The following CACNA2D1 variants were observed in gnomAD, a reference collection of about 807,000 sequenced individuals.
CACNA2D1 encodes voltage-dependent calcium channel subunit alpha-2/delta-1.
A neutral mutation model predicts 171.5 loss-of-function variants in CACNA2D1; 53 were observed. That is an observed-to-expected ratio of 0.31 (90% CI 0.25 to 0.39). CACNA2D1 has a LOEUF of 0.39. CACNA2D1 is among the 10% of genes least tolerant of loss of function. The pLI, the probability that CACNA2D1 is intolerant of heterozygous loss-of-function variation, is 1.00. For synonymous variants in CACNA2D1, 442 were observed against 443.1 expected (o/e 1.00, Z 0.03); for missense variants, 903 against 1,299.8 (o/e 0.69, Z 4.69).
At chr7:82,411,895 T>TCACACACACACACACA (rs5885295) in intron 1 of CACNA2D1, among the ~76,000 whole-genome samples, 3 of 144,886 alleles carry the variant, frequency 2.1e-5, no homozygotes, top group East Asian at 2.1e-4. Flanking sequence ...AAACTAAATC[T>TCACACACACACACACA]CACACACACA....
At chr7:82,102,380 C>G (rs962655989) in intron 6 of CACNA2D1, among the ~76,000 whole-genome samples, 1 of 151,334 alleles carries the variant, frequency 6.6e-6, no homozygotes, top group African/African-American at 2.4e-5. Context: ...AAGGATGACA[C>G]AAAGATAAGT....
At chr7:81,968,512 T>C (rs1311234038) in intron 29 of CACNA2D1, among the ~76,000 whole-genome samples, 1 of 151,422 alleles carries the variant, frequency 6.6e-6, no homozygotes, top group Non-Finnish European at 1.5e-5. Context: ...CTTAACTTTT[T>C]TGTACAAATA....
chr7:82,101,936 T>C (rs1377105334), intron 6 of CACNA2D1, among the ~76,000 whole-genome samples: 1 of 152,192 alleles, frequency 6.6e-6, no homozygotes, highest in Non-Finnish European at 1.5e-5. Flanking sequence ...GAATTTTATA[T>C]AATAAATTGG....
Position 82,066,969 on chromosome 7 carries a change from A to G in CACNA2D1, c.659-445T>C, listed in dbSNP as rs370436083. Among the ~76,000 whole-genome samples, 22 of 152,238 alleles carry G rather than the reference A, an allele frequency of 1.4e-4. No individual in the cohort carries two copies. The East Asian group carries it at 1.9e-3, about 13-fold the overall frequency. On this transcript the variant is annotated intron_variant, in intron 7 of 38. Transcript: ENST00000356860. ...TTCTTGGGTTTTTATGTAATAGCAT[A>G]ATTTTACTCAGTCCATGGTAAAATA...
At chr7:82,304,635 A>T (rs1300846647) in intron 3 of CACNA2D1, among the ~76,000 whole-genome samples, 6 of 152,190 alleles carry the variant, frequency 3.9e-5, no homozygotes, top group African/African-American at 1.4e-4. Flanking sequence ...TCTCATTCAC[A>T]TGTGGATGCT....
chr7:82,320,919 A>G (rs1391073927), intron 3 of CACNA2D1, among the ~76,000 whole-genome samples: 2 of 63,896 alleles, frequency 3.1e-5, no homozygotes, highest in African/African-American at 1.9e-4. Flanking sequence ...ATTTTATATA[A>G]GTTAATGGCT....
intron 1 of CACNA2D1, among the ~76,000 whole-genome samples, chr7:82,371,063 GGTA>G (rs1455133646): frequency 6.6e-6 from 1 of 152,100 alleles, no homozygotes. Flanking sequence ...TAATAAAACG[GGTA>G]GTGTAAGCAG....
chr7:81,974,603 G>T, intron 24 of CACNA2D1, 51 bp from the exon 25 acceptor site: 2 of 970,102 alleles, frequency 2.1e-6, no homozygotes, highest in South Asian at 1.4e-5. Context: ...AAACTTTACA[G>T]GGTAATTAAA....
rs572035974 is a variant in CACNA2D1 at position 82,435,601 on chromosome 7, T to C, written c.95+7764A>G. ...CTTCATACCTGCTTCACCTTCTCAC[T>C]GCCACTAATCTTTTTGAAACCTCGG... On this transcript the variant is annotated intron_variant, in intron 1 of 38. Coordinates refer to ENST00000356860, the MANE Select transcript of CACNA2D1 (RefSeq NM_000722.4). Among the ~76,000 whole-genome samples, 3 of 152,192 alleles carry C rather than the reference T, an allele frequency of 2.0e-5. No individual in the cohort carries two copies. In the South Asian group the frequency reaches 6.2e-4, roughly 31 times the overall value.
intron 10 of CACNA2D1, among the ~76,000 whole-genome samples, chr7:82,058,894 G>C (rs935718485): frequency 2.5e-4 from 38 of 152,050 alleles, no homozygotes; most frequent in African/African-American, 8.5e-4. Context: ...GTTTTGCCAG[G>C]AACCTTGCCT....
In CACNA2D1 at chr7:81,948,384, T is replaced by C. The variant is rs1455659601; in HGVS notation, c.*2008A>G. ...GAATGACACTACAAAATCACAACAA[T>C]GCATTAGAAATGGTAACTGATGTCA... On this transcript the variant is annotated 3_prime_UTR_variant, in exon 39 of 39. Transcript: ENST00000356860. The C allele has an allele frequency of 7.3e-5, 11 of 151,688 alleles. No homozygotes were observed. Among genetic ancestry groups the C allele is most frequent in the Admixed American group, 7.2e-4 (11 of 15,214 alleles). 9.4% of individuals were successfully genotyped at this position (151,688 alleles called of 1,614,324 possible).
At chr7:81,958,570 T>C (rs191190197) in intron 38 of CACNA2D1, among the ~76,000 whole-genome samples, 86 of 151,932 alleles carry the variant, frequency 5.7e-4, no homozygotes, top group Admixed American at 4.9e-3. Context: ...ACCTACCTTG[T>C]ATATAATCAA....
intron 3 of CACNA2D1, among the ~76,000 whole-genome samples, chr7:82,274,781 G>A (rs79637148): frequency 4.0e-5 from 6 of 151,886 alleles, no homozygotes; most frequent in Non-Finnish European, 8.8e-5. Context: ...CTTTTTTGTT[G>A]GTTCTAGCTC....
chr7:81,970,373 A>G (rs552732528), intron 27 of CACNA2D1, among the ~76,000 whole-genome samples: 2 of 151,592 alleles, frequency 1.3e-5, no homozygotes, highest in South Asian at 2.1e-4. Flanking sequence ...CTGATTGGTT[A>G]TAATCATTGT....
chr7:82,396,461 G>A (rs1825769392), intron 1 of CACNA2D1, among the ~76,000 whole-genome samples: 3 of 152,158 alleles, frequency 2.0e-5, no homozygotes, highest in Non-Finnish European at 2.9e-5. Flanking sequence ...GAGAATATTT[G>A]GATAGTCTTA....
chr7:81,975,453 T>C (rs1430277961), intron 24 of CACNA2D1, among the ~76,000 whole-genome samples: 2 of 152,178 alleles, frequency 1.3e-5, no homozygotes, highest in Non-Finnish European at 2.9e-5. Context: ...TGTTTTGGTC[T>C]ATACAGAAAA....
Position 82,325,793 on chromosome 7 carries a change from G to A in CACNA2D1, c.294+9342C>T, listed in dbSNP as rs1000753221. Among the ~76,000 whole-genome samples the A allele has an allele frequency of 4.8e-4, 73 of 152,240 alleles. 1 individual carries two copies. Among genetic ancestry groups the A allele is most frequent in the South Asian group, 8.3e-4 (4 of 4,810 alleles). ...ATTTTTGTAGATACAGCAGGTCCTC[G>A]AATAATGTCATTTTGTTCGATATTG... On this transcript the variant is annotated intron_variant, in intron 3 of 38. Transcript: ENST00000356860.
At chr7:82,227,538 T>C (rs1802486349) in intron 3 of CACNA2D1, among the ~76,000 whole-genome samples, 1 of 152,174 alleles carries the variant, frequency 6.6e-6, no homozygotes, top group Non-Finnish European at 1.5e-5. Flanking sequence ...TAGTTTGGAT[T>C]CTCTGGATAA....
intron 3 of CACNA2D1, among the ~76,000 whole-genome samples, chr7:82,204,404 T>G (rs1002218196): frequency 2.6e-5 from 4 of 152,172 alleles, no homozygotes; most frequent in African/African-American, 4.8e-5. Flanking sequence ...AAGGATGACC[T>G]TCTCCAACCA....
Sources: allele counts gnomAD v4.1 joint callset (sites outside exome capture counted in the v4.1 genomes callset), GRCh38; gene constraint gnomAD v4.1.1; transcripts MANE v1.5; gene names NCBI Gene and HGNC (gene_info 2026-07-23, HGNC 2026-07-21).